The following PNPLA7 variants were observed in gnomAD, a reference collection of about 807,000 sequenced individuals.
The protein encoded by PNPLA7 is patatin-like phospholipase domain-containing protein 7.
In PNPLA7, 153 loss-of-function variants were observed where a neutral mutation model predicts 161.7. The ratio of observed to expected loss-of-function variants is 0.95; its 90% CI spans 0.83 to 1.08. The LOEUF (loss-of-function observed/expected upper bound fraction) is 1.08. Ranked by LOEUF, PNPLA7 falls within the 50% of genes least tolerant of loss-of-function variation. The pLI, the probability that PNPLA7 is intolerant of heterozygous loss-of-function variation, is 0.00. For missense variants in PNPLA7, 1,739 were observed against 1,856.6 expected (o/e 0.94, Z 1.16); for synonymous variants, 809 against 782.1 (o/e 1.03, Z -0.57).
rs1832483851 is a variant in PNPLA7, at chr9:137,486,355, A to G, written c.2198-1619T>C. Among the ~76,000 whole-genome samples the G allele has an allele frequency of 6.6e-6, 1 of 152,182 alleles. No individual in the cohort carries two copies. On this transcript the variant is annotated intron_variant, in intron 20 of 34. Coordinates refer to ENST00000406427, the MANE Select transcript of PNPLA7 (RefSeq NM_001098537.3). The surrounding 1 kb of genome is among the most constrained non-coding windows in gnomAD (Gnocchi z 6.0). Reference sequence around the variant, plus strand: ...GCGGGTAAGAGCCTGTGAACGGGGAACATGGCTCGGAGAACCAGCGCACAG... The same window carrying G: ...GCGGGTAAGAGCCTGTGAACGGGGAGCATGGCTCGGAGAACCAGCGCACAG...
rs138864087 is a variant in PNPLA7, at chr9:137,500,808, G to C, written c.1640C>G (p.Thr547Arg). 1.2e-4 allele frequency: 187 copies of C among 1,608,496 alleles called. 1 individual carries two copies. In the African/African-American group the frequency reaches 1.5e-3, roughly 13 times the overall value. ...GSQEDTCLFL[T>R]RPGEMVGQLA... is the part of the protein sequence containing the mutation. Reference sequence around the variant, plus strand: ...CTGGCCCACCATCTCCCCGGGGCGCGTGAGGAACAAGCAGGTGTCCTCCTG... The same window carrying C: ...CTGGCCCACCATCTCCCCGGGGCGCCTGAGGAACAAGCAGGTGTCCTCCTG... The change falls in exon 16 of 35, where the codon ACG becomes AGG. Residue 547 changes from threonine (T) to arginine (R), a missense_variant. This residue lies in a region of PNPLA7 where 481 missense variants were observed against 450.0 expected (regional missense o/e 1.07). Transcript: ENST00000406427. This position sits in a 1 kb window ranked among gnomAD's most constrained non-coding sequence, Gnocchi z 5.5.
chr9:137,462,066 C>A, intron 31 of PNPLA7, 25 bp from the exon 32 acceptor site: 1 of 1,551,830 alleles, frequency 6.4e-7, no homozygotes, highest in African/African-American at 1.4e-5. Context: ...AGGGCCCCGT[C>A]AGGAGGTGTG....
chr9:137,512,272 G>A (rs1056966207), intron 12 of PNPLA7, among the ~76,000 whole-genome samples: 12 of 152,232 alleles, frequency 7.9e-5, no homozygotes, highest in Non-Finnish European at 1.2e-4. Flanking sequence ...ACATTCACAC[G>A]GCGAAGCCTG....
intron 24 of PNPLA7, 47 bp downstream of exon 24, chr9:137,479,009 A>G: frequency 6.7e-7 from 1 of 1,499,854 alleles, no homozygotes; most frequent in Non-Finnish European, 9.0e-7. Flanking sequence ...CGTTCGAGGA[A>G]ATGAACCACG....
chr9:137,487,491 G>C (rs1832547293), intron 20 of PNPLA7, among the ~76,000 whole-genome samples: 1 of 152,242 alleles, frequency 6.6e-6, no homozygotes, highest in Admixed American at 6.5e-5. Context: ...ATGTGCAGCT[G>C]TGTCTGTGCA....
chr9:137,548,546 G>T (rs10867029), intron 1 of PNPLA7, among the ~76,000 whole-genome samples: 1 of 151,910 alleles, frequency 6.6e-6, no homozygotes. Context: ...TCAGGAGATC[G>T]AGACCATCCT....
intron 26 of PNPLA7, 185 bp from the exon 27 acceptor site, chr9:137,464,641 G>C: frequency 1.6e-6 from 1 of 610,544 alleles, no homozygotes; most frequent in Non-Finnish European, 2.9e-6. Context: ...GCTGGTGGTC[G>C]CCCCAGGGCC....
At chr9:137,505,823 T>A (rs3750381) in intron 13 of PNPLA7, 63 bp from the exon 14 acceptor site, 1 of 1,594,284 alleles carries the variant, frequency 6.3e-7, no homozygotes, top group Non-Finnish European at 8.6e-7. Context: ...CGCACAAGGG[T>A]GTGGTCAGGT....
chr9:137,485,247 C>G (rs909790740), intron 20 of PNPLA7, among the ~76,000 whole-genome samples: 1 of 152,240 alleles, frequency 6.6e-6, no homozygotes, highest in African/African-American at 2.4e-5. Context: ...ATTCACGGAG[C>G]GACTGAAAGG....
Position 137,467,692 on chromosome 9 carries a change from G to A in PNPLA7, c.2883-219C>T, listed in dbSNP as rs1354193614. Among the ~76,000 whole-genome samples the A allele has an allele frequency of 3.3e-5, 5 of 152,240 alleles. No homozygotes were observed. Among genetic ancestry groups the A allele is most frequent in the African/African-American group, 9.6e-5 (4 of 41,454 alleles). On this transcript the variant is annotated intron_variant, in intron 25 of 34. Transcript: ENST00000406427. This position sits in a 1 kb window ranked among gnomAD's most constrained non-coding sequence, Gnocchi z 5.1. ...GCGGGCAGATCACTTGAGGCCAGGA[G>A]TTCGAGACCAGCCTGGCCAACAGGG...
In PNPLA7 at chr9:137,499,205, C is replaced by T. The variant is rs906581459; in HGVS notation, c.1758-960G>A. Among the ~76,000 whole-genome samples the T allele has an allele frequency of 2.0e-5, 3 of 148,784 alleles. No homozygotes were observed. Among genetic ancestry groups the T allele is most frequent in the African/African-American group, 7.5e-5 (3 of 40,138 alleles). On this transcript the variant is annotated intron_variant, in intron 16 of 34. Transcript: ENST00000406427. The surrounding 1 kb of genome is among the most constrained non-coding windows in gnomAD (Gnocchi z 5.5). Reference sequence around the variant, plus strand: ...AGACACACGGACACAGGCAGACACACAGGCACACCGAGACACACACAGACA... The same window carrying T: ...AGACACACGGACACAGGCAGACACATAGGCACACCGAGACACACACAGACA...
rs1382043507 is a variant in PNPLA7 at position 137,495,109 on chromosome 9, A to G, written c.2051T>C (p.Val684Ala). Residue 684 changes from valine to alanine, a missense_variant, in exon 19 of 35, where the codon GTG becomes GCG. Val to Ala is a moderately conservative substitution (Grantham distance 64). Transcript: ENST00000406427. ...CAATTCTGAGTCCCGAACGGCATGC[A>G]CCGTGGTCGCCCGGGCCTGGTGGGT... ...TLTHQARATT[V>A]HAVRDSELAK... The G allele has an allele frequency of 5.0e-6, 8 of 1,607,424 alleles. No homozygotes were observed. Among genetic ancestry groups the G allele is most frequent in the East Asian group, 2.2e-5 (1 of 44,834 alleles).
In PNPLA7 at chr9:137,464,109, G is replaced by C. The variant is rs1382792535; in HGVS notation, c.3226+17C>G. 2 of 1,612,408 alleles carry C rather than the reference G, an allele frequency of 1.2e-6. No individual in the cohort carries two copies. Among genetic ancestry groups the C allele is most frequent in the Non-Finnish European group, 1.7e-6 (2 of 1,179,442 alleles). On this transcript the variant is annotated intron_variant, in intron 28 of 34. Coordinates refer to ENST00000406427, the MANE Select transcript of PNPLA7 (RefSeq NM_001098537.3). Reference sequence around the variant, plus strand: ...CCTCGCACCCAAGCGGCCGCCCTGCGCAGCAGGAGTGCTCACCGTCGGTGT... The same window carrying C: ...CCTCGCACCCAAGCGGCCGCCCTGCCCAGCAGGAGTGCTCACCGTCGGTGT...
At chr9:137,462,607 A>G (rs1831270631) in intron 30 of PNPLA7, 78 bp downstream of exon 30, 1 of 1,546,948 alleles carries the variant, frequency 6.5e-7, no homozygotes, top group Admixed American at 1.8e-5. Context: ...AGCGACCCCC[A>G]CTCCCCTGCC....
intron 13 of PNPLA7, 34 bp from the exon 14 acceptor site, chr9:137,505,794 G>A (rs1414602812): frequency 4.3e-6 from 7 of 1,611,118 alleles, no homozygotes; most frequent in Non-Finnish European, 5.9e-6. Flanking sequence ...CAATTCGAAG[G>A]GATGTGGTTG....
rs1222110913 is a variant in PNPLA7, at chr9:137,520,318, A to G, written c.958-275T>C. Among the ~76,000 whole-genome samples, 1 of 152,170 alleles carries G rather than the reference A, an allele frequency of 6.6e-6. No individual in the cohort carries two copies. The stretch of plus-strand genomic sequence containing the variant: ...CAACCCAGAAATCCAGTTATTCAAG[A>G]AAAGGACTGGTCTGTTTAAGGCAAC... On this transcript the variant is annotated intron_variant, in intron 10 of 34. Coordinates refer to ENST00000406427, the MANE Select transcript of PNPLA7 (RefSeq NM_001098537.3). The surrounding 1 kb of genome is among the most constrained non-coding windows in gnomAD (Gnocchi z 5.2).
intron 26 of PNPLA7, 29 bp from the exon 27 acceptor site, chr9:137,464,485 G>A (rs1831375434): frequency 6.3e-7 from 1 of 1,591,088 alleles, no homozygotes; most frequent in Non-Finnish European, 8.6e-7. Flanking sequence ...TTTACAGAAG[G>A]CTTCCACCCT....
At position 137,488,501 on chromosome 9, in the gene PNPLA7, C is replaced by T. The variant is rs78291363; in HGVS notation, c.2198-3765G>A. Among the ~76,000 whole-genome samples the T allele has an allele frequency of 3.7e-3, 562 of 152,270 alleles. 16 individuals carry two copies. The East Asian group carries it at 0.049, about 13-fold the overall frequency. On this transcript the variant is annotated intron_variant, in intron 20 of 34. Coordinates refer to ENST00000406427, the MANE Select transcript of PNPLA7 (RefSeq NM_001098537.3). ...GTCATGATCAGAGAGGGACAGAGCTCGAGGCAGCTCTCGCAAGACTCCAAA... is the reference window on the plus strand; with the variant it reads ...GTCATGATCAGAGAGGGACAGAGCTTGAGGCAGCTCTCGCAAGACTCCAAA...
Position 137,477,060 on chromosome 9 carries a change from G to T in PNPLA7, c.2882+974C>A, listed in dbSNP as rs149492167. On this transcript the variant is annotated intron_variant, in intron 25 of 34. Coordinates refer to ENST00000406427, the MANE Select transcript of PNPLA7 (RefSeq NM_001098537.3). ...GGAGATGGGAGGGGCTGCCGGAGAGGCCCCACCCCAGAAGGCAGCCCTGGC... is the reference window on the plus strand; with the variant it reads ...GGAGATGGGAGGGGCTGCCGGAGAGTCCCCACCCCAGAAGGCAGCCCTGGC... Among the ~76,000 whole-genome samples, 83 of 152,334 alleles carry T rather than the reference G, an allele frequency of 5.4e-4. 2 individuals are homozygous for T. In the East Asian group the frequency reaches 0.013, roughly 24 times the overall value.
Sources: gnomAD v4.1 joint callset for allele counts (sites outside exome capture counted in the v4.1 genomes callset) on GRCh38, gnomAD v4.1.1 for gene constraint, gnomAD v4.1.1 regional missense constraint, Gnocchi (gnomAD v3.1) non-coding constraint, MANE v1.5 for transcripts, NCBI Gene and HGNC (gene_info 2026-07-23, HGNC 2026-07-21) for gene names.